C6orf62: variants seen among roughly 807,000 people sequenced by gnomAD.
C6orf62 encodes uncharacterized protein C6orf62.
In C6orf62, 16 loss-of-function variants were observed where a neutral mutation model predicts 26.8. The observed-to-expected ratio is 0.60, with a 90% confidence interval of 0.40 to 0.91. The LOEUF (loss-of-function observed/expected upper bound fraction) is 0.91. C6orf62 is among the 40% of genes least tolerant of loss of function. The probability of loss-of-function intolerance (pLI) is 0.00; values close to 1 mark genes in which losing one functional copy is unlikely to be tolerated. For synonymous variants in C6orf62, 112 were observed against 91.5 expected, an observed-to-expected ratio of 1.22 and a Z score of -1.28; for missense variants, 192 against 271.4, an observed-to-expected ratio of 0.71 and a Z score of 2.06.
upstream of C6orf62, chr6:24,720,052 T>G (rs908645831): frequency 1.3e-5 from 16 of 1,226,932 alleles, no homozygotes; most frequent in Non-Finnish European, 1.7e-5. Flanking sequence ...GTTCCCGGAT[T>G]AGCTCTCTCT....
chr6:24,709,881 T>A, intron 3 of C6orf62: 1 of 975,116 alleles, frequency 1.0e-6, no homozygotes, highest in Non-Finnish European at 1.2e-6. Context: ...TAATTGTTAG[T>A]CCATTTTGGT....
At chr6:24,717,202 C>T (rs970872066) in intron 1 of C6orf62, among the ~76,000 whole-genome samples, 4 of 152,156 alleles carry the variant, frequency 2.6e-5, no homozygotes, top group Admixed American at 2.6e-4. Context: ...ACCAGATTAT[C>T]GTTGGTGTTA....
chr6:24,720,329 A>C, upstream of C6orf62: 3 of 1,271,574 alleles, frequency 2.4e-6, no homozygotes, highest in Non-Finnish European at 3.0e-6. Context: ...GGCAGGAGCC[A>C]TGTCAAGAGA....
At chr6:24,712,466 C>G (rs1361355630) in intron 3 of C6orf62, among the ~76,000 whole-genome samples, 1 of 151,914 alleles carries the variant, frequency 6.6e-6, no homozygotes, top group Non-Finnish European at 1.5e-5. Flanking sequence ...GTCAAGAGAT[C>G]GAGACCATCC....
At chr6:24,720,235 T>C, upstream of C6orf62, 1 of 1,308,016 alleles carries the variant, frequency 7.6e-7, no homozygotes, top group Non-Finnish European at 9.7e-7. Context: ...AGGGCGGGGT[T>C]TGGGCCCTCT....
upstream of C6orf62, chr6:24,719,412 CA>C: frequency 9.7e-7 from 1 of 1,028,502 alleles, no homozygotes; most frequent in Non-Finnish European, 1.2e-6. Flanking sequence ...GGTTTCCCTG[CA>C]ATCAACTACA....
chr6:24,712,317 G>A (rs367737234), intron 3 of C6orf62, among the ~76,000 whole-genome samples: 4 of 152,092 alleles, frequency 2.6e-5, no homozygotes, highest in Admixed American at 6.6e-5. Flanking sequence ...GGGAGGCAGA[G>A]GTTGCAGTGA....
At chr6:24,709,898 A>G (rs1779086341) in intron 3 of C6orf62, 2 of 985,358 alleles carry the variant, frequency 2.0e-6, no homozygotes, top group Non-Finnish European at 2.4e-6. Context: ...TGGTTCAAAC[A>G]AATTTTATTG....
chr6:24,719,982 A>G, upstream of C6orf62: 3 of 1,545,334 alleles, frequency 1.9e-6, no homozygotes, highest in Non-Finnish European at 2.6e-6. Flanking sequence ...AAAAAAAGAA[A>G]ATAATTGTGT....
chr6:24,714,536 A>G (rs565242600), intron 2 of C6orf62, 96 bp from the exon 3 acceptor site: 29 of 853,066 alleles, frequency 3.4e-5, no homozygotes, highest in East Asian at 2.1e-4. Flanking sequence ...AAAACATTTT[A>G]TAAGTACAAA....
chr6:24,706,845 T>A (rs1779019989), intron 4 of C6orf62: 1 of 153,030 alleles, frequency 6.5e-6, no homozygotes, highest in Admixed American at 6.5e-5. Context: ...AGGTCAAGGC[T>A]GCGGTGAGCC....
intron 2 of C6orf62, among the ~76,000 whole-genome samples, chr6:24,715,947 T>A (rs1464642336): frequency 6.6e-6 from 1 of 150,848 alleles, no homozygotes; most frequent in African/African-American, 2.4e-5. Flanking sequence ...TGGTCTGGCG[T>A]AAAAAAACGT....
At position 24,704,921 on chromosome 6, in the gene C6orf62, C is replaced by A. The variant is rs12215989; in HGVS notation, c.*1216G>T. ...CCTATTTTATTTAGGTTTTCTTTTT[C>A]TTTTTTTCTTTTTTTTTCAAATTCC... On this transcript the variant is annotated 3_prime_UTR_variant, in exon 5 of 5. Transcript: ENST00000378119. 2 of 151,750 alleles carry A rather than the reference C, an allele frequency of 1.3e-5. No individual in the cohort carries two copies. Among genetic ancestry groups the A allele is most frequent in the African/African-American group, 2.4e-5 (1 of 41,300 alleles). The allele number at this position is 151,750 out of a possible 1,614,324, so 9.4% of individuals were successfully genotyped here. A position where few individuals can be genotyped will look rare whatever the true frequency, so the allele number is the denominator to read the frequency against.
intron 3 of C6orf62, among the ~76,000 whole-genome samples, chr6:24,711,386 T>G (rs896099067): frequency 2.0e-5 from 3 of 152,046 alleles, no homozygotes; most frequent in African/African-American, 7.3e-5. Flanking sequence ...AAAGAAGAGA[T>G]ACATTTTAGT....
In C6orf62 at chr6:24,715,328, T is replaced by A. The variant is rs1338040597; in HGVS notation, c.306+820A>T. Among the ~76,000 whole-genome samples, 6 of 152,306 alleles carry A rather than the reference T, an allele frequency of 3.9e-5. No individual in the cohort carries two copies. In the East Asian group the frequency reaches 1.2e-3, roughly 29 times the overall value. ...TATGCCCAGATTAACTTTTAACATGTTGCAGAAGTTTACAAAGCTGGAAGC... is the reference window on the plus strand; with the variant it reads ...TATGCCCAGATTAACTTTTAACATGATGCAGAAGTTTACAAAGCTGGAAGC... On this transcript the variant is annotated intron_variant, in intron 2 of 4. Coordinates refer to ENST00000378119, the MANE Select transcript of C6orf62 (RefSeq NM_030939.5).
upstream of C6orf62, chr6:24,720,013 G>GGGGGGGGCC: frequency 5.0e-5 from 74 of 1,478,826 alleles, no homozygotes; most frequent in Non-Finnish European, 6.2e-5. Flanking sequence ...TCTAAAGTAA[G>GGGGGGGGCC]CCCACCCACC....
At chr6:24,719,928 G>T, upstream of C6orf62, 1 of 1,550,458 alleles carries the variant, frequency 6.4e-7, no homozygotes, top group East Asian at 2.4e-5. Context: ...TTCCCGCCCG[G>T]GTGGAGTGGG....
At chr6:24,713,236 G>A (rs1270479097) in intron 3 of C6orf62, among the ~76,000 whole-genome samples, 1 of 152,204 alleles carries the variant, frequency 6.6e-6, no homozygotes, top group African/African-American at 2.4e-5. Context: ...TCATGGTAAA[G>A]TTGAAAAAAT....
upstream of C6orf62, chr6:24,720,012 A>AGGGGGCC: frequency 2.1e-6 from 3 of 1,463,282 alleles, no homozygotes; most frequent in Non-Finnish European, 2.7e-6. Context: ...TTCTAAAGTA[A>AGGGGGCC]GCCCACCCAC....
Sources: allele counts gnomAD v4.1 joint callset (sites outside exome capture counted in the v4.1 genomes callset), GRCh38; gene constraint gnomAD v4.1.1; transcripts MANE v1.5; gene names NCBI Gene and HGNC (gene_info 2026-07-23, HGNC 2026-07-21).